DPYS: variants seen among roughly 807,000 people sequenced by gnomAD.
The protein encoded by DPYS is dihydropyrimidine amidohydrolase.
Under a neutral mutation model 50.3 loss-of-function variants are expected in DPYS, and 39 were observed. That is an observed-to-expected ratio of 0.78 (90% CI 0.60 to 1.01). The LOEUF is 1.01. DPYS is among the 50% of genes least tolerant of loss of function. DPYS has a pLI of 0.00. For missense variants in DPYS, 659 were observed against 680.9 expected (o/e 0.97, Z 0.36); for synonymous variants, 245 against 250.7 (o/e 0.98, Z 0.22).
intron 7 of DPYS, among the ~76,000 whole-genome samples, chr8:104,417,532 C>T (rs1028569461): frequency 3.3e-5 from 5 of 152,232 alleles, no homozygotes; most frequent in African/African-American, 1.2e-4. Flanking sequence ...GTACCAAGAT[C>T]TTCTACAGAA....
chr8:104,448,796 A>C (rs1813629202), intron 2 of DPYS, among the ~76,000 whole-genome samples: 1 of 152,240 alleles, frequency 6.6e-6, no homozygotes. Flanking sequence ...TGAGTCAGCA[A>C]AGTTTAAGAA....
intron 1 of DPYS, among the ~76,000 whole-genome samples, chr8:104,452,016 T>C (rs1813759618): frequency 6.6e-6 from 1 of 152,122 alleles, no homozygotes; most frequent in Admixed American, 6.5e-5. Flanking sequence ...CTCCCTCCAA[T>C]ACAAACCCCT....
rs1814194519 is a variant in DPYS, at chr8:104,462,135, T to C, written c.264+4522A>G. On this transcript the variant is annotated intron_variant, in intron 1 of 9. Coordinates refer to ENST00000351513, the MANE Select transcript of DPYS (RefSeq NM_001385.3). ...TTAAGGTCTGGATGATAAGTATATA[T>C]TGTTTTTATAACTTAAAAAACTCTT... Among the ~76,000 whole-genome samples, 7 of 152,248 alleles carry C rather than the reference T, an allele frequency of 4.6e-5. No homozygotes were observed. The South Asian group carries it at 1.4e-3, about 31-fold the overall frequency.
chr8:104,440,314 G>A (rs894101373), intron 4 of DPYS, among the ~76,000 whole-genome samples: 13 of 151,396 alleles, frequency 8.6e-5, no homozygotes, highest in African/African-American at 2.0e-4. Context: ...TCCTGGAGCC[G>A]TGATTCTCAG....
intron 8 of DPYS, among the ~76,000 whole-genome samples, chr8:104,382,700 G>A (rs1156919080): frequency 6.6e-6 from 1 of 152,166 alleles, no homozygotes; most frequent in East Asian, 1.9e-4. Context: ...ATCCAGGCCC[G>A]TCTGAGCAAA....
intron 4 of DPYS, among the ~76,000 whole-genome samples, chr8:104,433,348 A>G (rs1302374813): frequency 6.6e-6 from 1 of 152,162 alleles, no homozygotes; most frequent in Non-Finnish European, 1.5e-5. Flanking sequence ...TTTAACTGCT[A>G]TGCAATTGGA....
intron 7 of DPYS, among the ~76,000 whole-genome samples, chr8:104,412,506 CA>C (rs765444570): frequency 2.0e-5 from 3 of 152,160 alleles, no homozygotes; most frequent in Non-Finnish European, 4.4e-5. Context: ...GAAATACGTG[CA>C]GACTCAAGTC....
At chr8:104,406,071 A>C (rs1811986940) in intron 7 of DPYS, among the ~76,000 whole-genome samples, 1 of 152,226 alleles carries the variant, frequency 6.6e-6, no homozygotes, top group African/African-American at 2.4e-5. Flanking sequence ...TTACACCGTC[A>C]GTAAGTGGAG....
At chr8:104,458,096 C>T (rs1813991007) in intron 1 of DPYS, among the ~76,000 whole-genome samples, 1 of 152,118 alleles carries the variant, frequency 6.6e-6, no homozygotes, top group Admixed American at 6.6e-5. Context: ...GAGTAGGTTA[C>T]CACTGTGAGC....
At chr8:104,448,953 TGA>T (rs1266939498) in intron 2 of DPYS, among the ~76,000 whole-genome samples, 1 of 152,148 alleles carries the variant, frequency 6.6e-6, no homozygotes, top group East Asian at 1.9e-4. Context: ...TTCAGCCCCA[TGA>T]GAGAAGGGGC....
chr8:104,402,724 T>G (rs529934985), intron 7 of DPYS, among the ~76,000 whole-genome samples: 24 of 152,292 alleles, frequency 1.6e-4, no homozygotes, highest in African/African-American at 5.5e-4. Flanking sequence ...GACTTATTGG[T>G]ATGTTCAGTT....
At chr8:104,396,164 T>A (rs1564082396) in intron 7 of DPYS, among the ~76,000 whole-genome samples, 2 of 152,254 alleles carry the variant, frequency 1.3e-5, no homozygotes. Context: ...GCCATTATAA[T>A]CTGCCAAATA....
intron 1 of DPYS, among the ~76,000 whole-genome samples, chr8:104,465,344 A>G (rs1450174426): frequency 6.6e-6 from 1 of 152,168 alleles, no homozygotes; most frequent in African/African-American, 2.4e-5. Flanking sequence ...AAGGAAGCCT[A>G]CTATACACTG....
At chr8:104,417,743 A>G (rs1048473307) in intron 7 of DPYS, among the ~76,000 whole-genome samples, 2 of 152,234 alleles carry the variant, frequency 1.3e-5, no homozygotes, top group Admixed American at 6.5e-5. Context: ...TTATTGTGCA[A>G]TGACACAGAA....
At chr8:104,412,674 G>T (rs558930243) in intron 7 of DPYS, among the ~76,000 whole-genome samples, 1 of 152,288 alleles carries the variant, frequency 6.6e-6, no homozygotes, top group East Asian at 1.9e-4. Flanking sequence ...GCTCTGGTGT[G>T]GTAGATCTGG....
At chr8:104,419,042 G>A (rs1446995534) in intron 7 of DPYS, 4 of 985,314 alleles carry the variant, frequency 4.1e-6, no homozygotes, top group Middle Eastern at 5.2e-4. Flanking sequence ...TAACAAACTC[G>A]TTGCTCCAAC....
chr8:104,433,953 G>C (rs1221835311), intron 4 of DPYS, among the ~76,000 whole-genome samples: 2 of 152,144 alleles, frequency 1.3e-5, no homozygotes, highest in South Asian at 2.1e-4. Context: ...TATTTGAAGA[G>C]ATTCATTCTA....
At chr8:104,393,063 G>T in intron 7 of DPYS, 72 bp from the exon 8 acceptor site, 1 of 1,433,944 alleles carries the variant, frequency 7.0e-7, no homozygotes, top group South Asian at 1.2e-5. Flanking sequence ...AATATTAAAA[G>T]AAGAATGACT....
Position 104,440,557 on chromosome 8 carries a change from G to A in DPYS, c.793+3691C>T, listed in dbSNP as rs750008449. ...TGGGGTTACAGGCATGAGCCACCTC[G>A]ACCAGTCTGGCCAACATGGTGAAAC... On this transcript the variant is annotated intron_variant, in intron 4 of 9. Coordinates refer to ENST00000351513, the MANE Select transcript of DPYS (RefSeq NM_001385.3). 9.2e-5 allele frequency among the ~76,000 whole-genome samples: 14 copies of A among 152,064 alleles called. 1 individual carries two copies. The highest frequency in any genetic ancestry group is 6.3e-3 in the Middle Eastern group (2 of 316).
Sources: gnomAD v4.1 joint callset for allele counts (sites outside exome capture counted in the v4.1 genomes callset) on GRCh38, gnomAD v4.1.1 for gene constraint, MANE v1.5 for transcripts, NCBI Gene and HGNC (gene_info 2026-07-23, HGNC 2026-07-21) for gene names.